HIPK3: variants seen among roughly 807,000 people sequenced by gnomAD.
HIPK3 encodes the protein homeodomain interacting protein kinase 3, also known as homeodomain-interacting protein kinase 3.
Under a neutral mutation model 124.2 loss-of-function variants are expected in HIPK3, and 47 were observed. The ratio of observed to expected loss-of-function variants is 0.38; its 90% CI spans 0.30 to 0.48. HIPK3 has a LOEUF of 0.48. HIPK3 is among the 20% of genes least tolerant of loss of function. The pLI, the probability that HIPK3 is intolerant of heterozygous loss-of-function variation, is 0.98. For missense variants in HIPK3, 1,286 were observed against 1,454.3 expected (o/e 0.88, Z 1.88); for synonymous variants, 482 against 515.2 (o/e 0.94, Z 0.87).
chr11:33,327,966 T>C (rs1380336166), intron 2 of HIPK3, among the ~76,000 whole-genome samples: 2 of 152,236 alleles, frequency 1.3e-5, no homozygotes. Context: ...TGTATACTTG[T>C]CTGCCTTTTA....
rs1036281199 is a variant in HIPK3 at position 33,299,931 on chromosome 11, A to G, written c.1097+12420A>G. 1.4e-4 allele frequency among the ~76,000 whole-genome samples: 21 copies of G among 144,876 alleles called. 1 individual carries two copies. The highest frequency in any genetic ancestry group is 5.1e-4 in the African/African-American group (20 of 39,196). The stretch of plus-strand genomic sequence containing the variant: ...GTAGCTTCTTGGATGCTGAGGTGGG[A>G]GGATTGCTTGTGCCTGGGAGGCAGA... On this transcript the variant is annotated intron_variant, in intron 2 of 16. Transcript: ENST00000303296.
Position 33,343,455 on chromosome 11 carries a change from T to C in HIPK3, c.1897+1769T>C, listed in dbSNP as rs553814726. Among the ~76,000 whole-genome samples, 13 of 151,980 alleles carry C rather than the reference T, an allele frequency of 8.6e-5. No individual in the cohort carries two copies. The South Asian group carries it at 2.5e-3, about 29-fold the overall frequency. ...CCACCACTCCTGGCTAATTTTTGTA[T>C]TTTTAGTATGTACAGGGTTTCACCA... is the stretch of plus-strand genomic sequence containing the variant. On this transcript the variant is annotated intron_variant, in intron 8 of 16. Coordinates refer to ENST00000303296, the MANE Select transcript of HIPK3 (RefSeq NM_005734.5).
At chr11:33,337,969 GC>G (rs1224785663) in intron 4 of HIPK3, among the ~76,000 whole-genome samples, 2 of 152,130 alleles carry the variant, frequency 1.3e-5, no homozygotes, top group Non-Finnish European at 1.5e-5. Context: ...ACTGTGCCCA[GC>G]CCCCTTCCTT....
At position 33,337,098 on chromosome 11, in the gene HIPK3, A is replaced by G. The variant is rs766088113; in HGVS notation, c.1245A>G (p.Gln415=). Reference sequence around the variant, plus strand: ...AGATTCGATACATTTCTCAGACTCAAGGTTTGCCAGGAGAACAGTTGTTAA... The same window carrying G: ...AGATTCGATACATTTCTCAGACTCAGGGTTTGCCAGGAGAACAGTTGTTAA... The part of the protein sequence containing the change: ...YDQIRYISQT[Q]GLPGEQLLNV... The change falls in exon 4 of 17, where the codon CAA becomes CAG. Residue 415 remains glutamine (Q), a synonymous_variant. Coordinates refer to ENST00000303296, the MANE Select transcript of HIPK3 (RefSeq NM_005734.5). 3.1e-6 allele frequency: 5 copies of G among 1,601,940 alleles called. No homozygotes were observed. The highest frequency in any genetic ancestry group is 1.1e-5 in the South Asian group (1 of 89,506).
chr11:33,257,086 T>C (rs376154080), upstream of HIPK3, among the ~76,000 whole-genome samples: 2 of 152,102 alleles, frequency 1.3e-5, no homozygotes, highest in African/African-American at 2.4e-5. Context: ...GGAGGGGGCA[T>C]GGAGTGAGGT....
intron 3 of HIPK3, among the ~76,000 whole-genome samples, chr11:33,334,765 G>A (rs999429345): frequency 5.3e-5 from 8 of 152,150 alleles, no homozygotes; most frequent in African/African-American, 1.9e-4. Context: ...GCTTGCTCTA[G>A]GCAGTAAAGG....
In HIPK3 at chr11:33,328,495, A is replaced by C. The variant is rs973296739; in HGVS notation, c.1098-15A>C. The C allele has an allele frequency of 6.2e-7, 1 of 1,604,788 alleles. No individual in the cohort carries two copies. The highest frequency in any genetic ancestry group is 8.5e-7 in the Non-Finnish European group (1 of 1,176,660). On this transcript the variant is annotated splice_polypyrimidine_tract_variant and intron_variant, in intron 2 of 16. Coordinates refer to ENST00000303296, the MANE Select transcript of HIPK3 (RefSeq NM_005734.5). ...GAAAAACCACCCTGATTTTTGTTTT[A>C]ATTTTAAATTTCAGAGCTCCAGAGA...
chr11:33,342,585 C>T (rs905461560), intron 8 of HIPK3, among the ~76,000 whole-genome samples: 1 of 149,842 alleles, frequency 6.7e-6, no homozygotes, highest in African/African-American at 2.5e-5. Context: ...CTCTTGTTGC[C>T]CAGGCAGGAG....
intron 1 of HIPK3, chr11:33,258,224 A>C (rs1850722634): frequency 2.4e-5 from 13 of 537,584 alleles, no homozygotes; most frequent in Non-Finnish European, 2.8e-5. Flanking sequence ...CCCCCTGCCA[A>C]GGTTGCGCAA....
chr11:33,298,115 A>T (rs958322281), intron 2 of HIPK3, among the ~76,000 whole-genome samples: 3 of 152,076 alleles, frequency 2.0e-5, no homozygotes, highest in African/African-American at 4.8e-5. Context: ...TGTTGGGATA[A>T]TGCAGCTGGT....
chr11:33,288,972 G>C (rs1340713584), intron 2 of HIPK3, among the ~76,000 whole-genome samples: 1 of 152,140 alleles, frequency 6.6e-6, no homozygotes, highest in Admixed American at 6.6e-5. Context: ...TTCTGATACT[G>C]CATTTGCCTT....
rs774264496 is a variant in HIPK3 at position 33,337,060 on chromosome 11, TA to T, written c.1222-12del. On this transcript the variant is annotated splice_polypyrimidine_tract_variant and intron_variant, in intron 3 of 16. Coordinates refer to ENST00000303296, the MANE Select transcript of HIPK3 (RefSeq NM_005734.5). ...TGAAAGAATAAACTATTCTGTTCTG[TA>T]AATTATTTTTCAGATTCGATACATT... is the stretch of plus-strand genomic sequence containing the variant. 19 of 1,579,670 alleles carry T rather than the reference TA, an allele frequency of 1.2e-5. 1 individual carries two copies. The South Asian group carries it at 2.2e-4, about 18-fold the overall frequency.
intron 2 of HIPK3, among the ~76,000 whole-genome samples, chr11:33,299,056 A>G (rs543398001): frequency 2.6e-5 from 4 of 151,926 alleles, no homozygotes; most frequent in Admixed American, 2.0e-4. Flanking sequence ...CATGTTGGCC[A>G]GGCTGGTCTT....
At chr11:33,317,028 C>T (rs1196794497) in intron 2 of HIPK3, among the ~76,000 whole-genome samples, 2 of 152,052 alleles carry the variant, frequency 1.3e-5, no homozygotes, top group Non-Finnish European at 2.9e-5. Flanking sequence ...GTTGCCCAGG[C>T]TGGTGCCATC....
In HIPK3 at chr11:33,257,619, T is replaced by A; in HGVS notation, c.-273T>A. ...CTAGCCAAGCCGTCCCCACCCCAAA[T>A]CCCCGGGAAGGAAGATGAGGGAGAC... is the stretch of plus-strand genomic sequence containing the variant. On this transcript the variant is annotated 5_prime_UTR_variant, in exon 1 of 17. Transcript: ENST00000303296. 1.0e-6 allele frequency: 1 copy of A among 987,282 alleles called. No homozygotes were observed. The allele number at this position is 987,282 out of a possible 1,614,324, so 61.2% of individuals were successfully genotyped here.
chr11:33,273,283 T>A (rs1314733850), intron 1 of HIPK3, among the ~76,000 whole-genome samples: 1 of 151,942 alleles, frequency 6.6e-6, no homozygotes, highest in African/African-American at 2.4e-5. Flanking sequence ...GGCGGGCAGA[T>A]CACGAGGTCA....
At chr11:33,265,096 G>C (rs961005452) in intron 1 of HIPK3, among the ~76,000 whole-genome samples, 2 of 152,102 alleles carry the variant, frequency 1.3e-5, no homozygotes, top group African/African-American at 2.4e-5. Context: ...ACTTCTGAAG[G>C]CTCTAGGTAT....
In HIPK3 at chr11:33,286,785, G is replaced by A. The variant is rs368850984; in HGVS notation, c.371G>A (p.Arg124Gln). ...TTGCATTTCCTAGAAGGCCCCCAGCGATGTGGATTGAAGCGCAAGAGTGAG... is the reference window on the plus strand; with the variant it reads ...TTGCATTTCCTAGAAGGCCCCCAGCAATGTGGATTGAAGCGCAAGAGTGAG... ...NRLHFLEGPQ[R>Q]CGLKRKSEEL... is the part of the protein sequence containing the mutation. The change falls in exon 2 of 17, where the codon CGA becomes CAA. Residue 124 changes from arginine to glutamine, a missense_variant. Arg to Gln is a conservative substitution (Grantham distance 43). Coordinates refer to ENST00000303296, the MANE Select transcript of HIPK3 (RefSeq NM_005734.5). 5.0e-6 allele frequency: 8 copies of A among 1,614,114 alleles called. No individual in the cohort carries two copies. Among genetic ancestry groups the A allele is most frequent in the East Asian group, 4.5e-5 (2 of 44,890 alleles).
chr11:33,301,855 CG>C (rs1565073757), intron 2 of HIPK3, among the ~76,000 whole-genome samples: 6 of 151,386 alleles, frequency 4.0e-5, no homozygotes, highest in Non-Finnish European at 5.9e-5. Flanking sequence ...CACACACACA[CG>C]AGTACAGTAC....
Sources: allele counts gnomAD v4.1 joint callset (sites outside exome capture counted in the v4.1 genomes callset), GRCh38; gene constraint gnomAD v4.1.1; transcripts MANE v1.5; gene names NCBI Gene and HGNC (gene_info 2026-07-23, HGNC 2026-07-21).